The following GBE1 variants were observed in gnomAD, a reference collection of about 807,000 sequenced individuals.
GBE1 encodes 1,4-alpha-glucan-branching enzyme.
A neutral mutation model predicts 88.8 loss-of-function variants in GBE1; 70 were observed. The observed-to-expected ratio is 0.79, with a 90% CI of 0.65 to 0.96. The LOEUF is 0.96. GBE1 is among the 40% of genes least tolerant of loss of function. The pLI is 0.00. For synonymous variants in GBE1, 284 were observed against 300.1 expected, an observed-to-expected ratio of 0.95 and a Z score of 0.56; for missense variants, 872 against 871.0, an observed-to-expected ratio of 1.00 and a Z score of -0.01.
At chr3:81,608,100 T>C (rs1704127558) in intron 7 of GBE1, among the ~76,000 whole-genome samples, 1 of 152,212 alleles carries the variant, frequency 6.6e-6, no homozygotes, top group Non-Finnish European at 1.5e-5. Context: ...GGATACTCAC[T>C]GAAACTGATG....
chr3:81,609,174 A>G (rs1247590060), intron 7 of GBE1, among the ~76,000 whole-genome samples: 8 of 152,152 alleles, frequency 5.3e-5, no homozygotes, highest in Admixed American at 4.6e-4. Flanking sequence ...GGAAGAAAAA[A>G]GGGGAATGAA....
rs2594554 is a variant in GBE1, at chr3:81,750,720, G to A, written c.143+10655C>T. ...GTATTTTTTTTTTTTTGGCTCTGTC[G>A]CCCAGGCTGGAATACAGTGGCGCGA... On this transcript the variant is annotated intron_variant, in intron 1 of 15. Transcript: ENST00000429644. 7.9e-3 allele frequency among the ~76,000 whole-genome samples: 925 copies of A among 116,380 alleles called. 22 individuals are homozygous for A. The highest frequency in any genetic ancestry group is 0.031 in the African/African-American group (874 of 28,106). The allele number at this position is 116,380 out of a possible 152,430, so 76.3% of individuals were successfully genotyped here.
At chr3:81,492,473 AAGG>A (rs1182501311) in intron 15 of GBE1, among the ~76,000 whole-genome samples, 1 of 151,972 alleles carries the variant, frequency 6.6e-6, no homozygotes, top group Non-Finnish European at 1.5e-5. Context: ...CAAAGCAAAG[AAGG>A]AGAAAAAAAA....
chr3:81,501,686 C>CTTTT lies in GBE1; in HGVS notation c.1935-2463_1935-2460dup, dbSNP rs35149061. On this transcript the variant is annotated intron_variant, in intron 14 of 15. Coordinates refer to ENST00000429644, the MANE Select transcript of GBE1 (RefSeq NM_000158.4). ...GAATTCCCTCATTTACTTAGGGGCA[C>CTTTT]TTTTTTTTTTTTTTTTTTTTTTTTT... Among the ~76,000 whole-genome samples the CTTTT allele has an allele frequency of 6.9e-3, 496 of 71,968 alleles. 99 individuals are homozygous for CTTTT. Among genetic ancestry groups the CTTTT allele is most frequent in the African/African-American group, 0.026 (444 of 16,778 alleles). The allele number at this position is 71,968 out of a possible 152,430, so 47.2% of individuals were successfully genotyped here. A position where few individuals can be genotyped will look rare whatever the true frequency, so the allele number is the denominator to read the frequency against.
At chr3:81,719,457 T>C (rs1401513291) in intron 1 of GBE1, among the ~76,000 whole-genome samples, 1 of 152,128 alleles carries the variant, frequency 6.6e-6, no homozygotes, top group Non-Finnish European at 1.5e-5. Context: ...CCTCAAGTGA[T>C]TCACCTGCCT....
chr3:81,524,368 T>C (rs974049093), intron 14 of GBE1, among the ~76,000 whole-genome samples: 1 of 151,866 alleles, frequency 6.6e-6, no homozygotes, highest in African/African-American at 2.4e-5. Context: ...TTTGAGCTCC[T>C]TATGTATTCT....
rs987463048 is a variant in GBE1 at position 81,535,447 on chromosome 3, TA to T, written c.1804-123del. 8.6e-6 allele frequency: 8 copies of T among 931,432 alleles called. No individual in the cohort carries two copies. In the African/African-American group the frequency reaches 1.0e-4, roughly 12 times the overall value. 57.7% of individuals were successfully genotyped at this position (931,432 alleles called of 1,614,324 possible). Reference sequence around the variant, plus strand: ...CAAAAATGAGTATTTCAGAACACTATATTTTTTTGAACATGTTACAATTTTG... The same window carrying T: ...CAAAAATGAGTATTTCAGAACACTATTTTTTTTGAACATGTTACAATTTTG... On this transcript the variant is annotated intron_variant, in intron 13 of 15. Transcript: ENST00000429644.
At chr3:81,544,354 C>T (rs1703178493) in intron 12 of GBE1, among the ~76,000 whole-genome samples, 1 of 152,064 alleles carries the variant, frequency 6.6e-6, no homozygotes, top group Non-Finnish European at 1.5e-5. Context: ...CTGGCACTAA[C>T]CATCAAAGCA....
intron 2 of GBE1, among the ~76,000 whole-genome samples, chr3:81,691,296 G>A (rs1335001670): frequency 6.6e-6 from 1 of 152,030 alleles, no homozygotes; most frequent in African/African-American, 2.4e-5. Flanking sequence ...TGAAGAGGAA[G>A]AAAAAGGAGA....
At chr3:81,723,802 C>A (rs139762742) in intron 1 of GBE1, among the ~76,000 whole-genome samples, 1 of 152,152 alleles carries the variant, frequency 6.6e-6, no homozygotes, top group East Asian at 1.9e-4. Context: ...TAAAAACTCC[C>A]AGAGAAGACA....
chr3:81,562,534 G>C (rs377114175), intron 12 of GBE1, among the ~76,000 whole-genome samples: 2 of 152,040 alleles, frequency 1.3e-5, no homozygotes, highest in South Asian at 4.1e-4. Flanking sequence ...TCCCCTAGGT[G>C]TGAAGAGAAG....
intron 3 of GBE1, among the ~76,000 whole-genome samples, chr3:81,663,705 C>G (rs1241590283): frequency 6.6e-6 from 1 of 152,234 alleles, no homozygotes; most frequent in East Asian, 1.9e-4. Flanking sequence ...TAAAAGCACA[C>G]GGTAGCACAC....
chr3:81,754,635 C>A (rs1447615617), intron 1 of GBE1, among the ~76,000 whole-genome samples: 1 of 151,862 alleles, frequency 6.6e-6, no homozygotes, highest in East Asian at 1.9e-4. Context: ...GACACATAGA[C>A]TAATGGAACA....
Position 81,568,796 on chromosome 3 carries a change from A to ATG in GBE1, c.1618+9127_1618+9128dup, listed in dbSNP as rs544626516. 1.5e-3 allele frequency among the ~76,000 whole-genome samples: 225 copies of ATG among 152,192 alleles called. 2 individuals are homozygous for ATG. Among genetic ancestry groups the ATG allele is most frequent in the African/African-American group, 5.2e-3 (217 of 41,532 alleles). ...AACGTGTGTGTGTGTATATATATAT[A>ATG]TGTGCATGTGAGTATATGTGAAGAC... On this transcript the variant is annotated intron_variant, in intron 12 of 15. Transcript: ENST00000429644.
intron 7 of GBE1, among the ~76,000 whole-genome samples, chr3:81,606,233 T>C (rs1009445300): frequency 4.6e-5 from 7 of 152,334 alleles, no homozygotes; most frequent in Non-Finnish European, 8.8e-5. Flanking sequence ...ATTCAGTCTA[T>C]GCTTTAAAAA....
chr3:81,734,638 G>GGTC (rs1706235484), intron 1 of GBE1, among the ~76,000 whole-genome samples: 1 of 152,066 alleles, frequency 6.6e-6, no homozygotes, highest in Non-Finnish European at 1.5e-5. Flanking sequence ...AGATGGTCAA[G>GGTC]GTCTCCATGA....
intron 12 of GBE1, among the ~76,000 whole-genome samples, chr3:81,537,338 GC>G (rs1458532692): frequency 2.0e-5 from 3 of 151,926 alleles, no homozygotes; most frequent in African/African-American, 7.2e-5. Context: ...ATTACTTGTT[GC>G]ACATCTTGGT....
At chr3:81,641,301 T>G (rs942501798) in intron 7 of GBE1, among the ~76,000 whole-genome samples, 9 of 152,142 alleles carry the variant, frequency 5.9e-5, no homozygotes, top group Admixed American at 2.6e-4. Flanking sequence ...TTGGGCATAT[T>G]CTACTTCTAT....
intron 7 of GBE1, among the ~76,000 whole-genome samples, chr3:81,641,499 A>C (rs1208469185): frequency 6.6e-6 from 1 of 152,106 alleles, no homozygotes; most frequent in African/African-American, 2.4e-5. Flanking sequence ...ATGAATACAA[A>C]ATACCTTCAT....
Sources: gnomAD v4.1 joint callset for allele counts (sites outside exome capture counted in the v4.1 genomes callset) on GRCh38, gnomAD v4.1.1 for gene constraint, MANE v1.5 for transcripts, NCBI Gene and HGNC (gene_info 2026-07-23, HGNC 2026-07-21) for gene names.